Variants in BOLL observed in about 807,000 individuals in gnomAD.
The protein encoded by BOLL is protein boule-like.
Under a neutral mutation model 44.4 loss-of-function variants are expected in BOLL, and 23 were observed. The ratio of observed to expected loss-of-function variants is 0.52; its 90% CI spans 0.37 to 0.73. The LOEUF (loss-of-function observed/expected upper bound fraction) is 0.73, where lower values mean the gene tolerates loss of function less well. Ranked by LOEUF, BOLL falls within the 30% of genes least tolerant of loss-of-function variation. The pLI is 0.00. For synonymous variants in BOLL, 97 were observed against 110.8 expected, an observed-to-expected ratio of 0.88 and a Z score of 0.78; for missense variants, 287 against 338.3, an observed-to-expected ratio of 0.85 and a Z score of 1.19.
At position 197,743,094 on chromosome 2, in the gene BOLL, C is replaced by G; in HGVS notation, c.795G>C (p.Met265Ile). ...HQVYAPSAIT[M>I]PAPVMQPEPI... ...GCTCAGGCTGCATCACAGGCGCAGG[C>G]ATAGTGATGGCACTTGGAGCATAAA... Residue 265 changes from methionine (M) to isoleucine (I), a missense_variant, in exon 10 of 11, where the codon ATG becomes ATC. Physicochemically the swap from Met to Ile is conservative, Grantham distance 10. Coordinates refer to ENST00000392296, the MANE Select transcript of BOLL (RefSeq NM_033030.6). 6.2e-7 allele frequency: 1 copy of G among 1,605,618 alleles called. No individual in the cohort carries two copies. The highest frequency in any genetic ancestry group is 8.5e-7 in the Non-Finnish European group (1 of 1,176,126).
At chr2:197,748,324 G>A (rs1271794353) in intron 9 of BOLL, among the ~76,000 whole-genome samples, 4 of 152,220 alleles carry the variant, frequency 2.6e-5, no homozygotes, top group Non-Finnish European at 4.4e-5. Context: ...CAGACACCGA[G>A]CTAGCTACAG....
intron 7 of BOLL, among the ~76,000 whole-genome samples, chr2:197,762,749 A>G (rs1353510438): frequency 1.3e-5 from 2 of 152,234 alleles, no homozygotes; most frequent in African/African-American, 4.8e-5. Context: ...AGGCAAATTT[A>G]TAACAATGAA....
intron 3 of BOLL, among the ~76,000 whole-genome samples, chr2:197,777,441 T>C (rs1218085589): frequency 1.3e-5 from 2 of 151,854 alleles, no homozygotes; most frequent in African/African-American, 4.8e-5. Flanking sequence ...AATAATCTCC[T>C]TTTAAACTAA....
chr2:197,737,784 T>C, intron 10 of BOLL, among the ~76,000 whole-genome samples: 1 of 152,126 alleles, frequency 6.6e-6, no homozygotes, highest in Non-Finnish European at 1.5e-5. Flanking sequence ...AAGTAGATAG[T>C]GGTAGTAGTT....
chr2:197,765,241 C>T (rs887100642), intron 7 of BOLL, among the ~76,000 whole-genome samples: 2 of 151,736 alleles, frequency 1.3e-5, no homozygotes, highest in African/African-American at 4.8e-5. Context: ...GTATACTGCT[C>T]GGGTGATGGG....
At chr2:197,759,013 A>T (rs1299425805) in intron 7 of BOLL, 6 of 1,534,158 alleles carry the variant, frequency 3.9e-6, no homozygotes, top group Non-Finnish European at 5.2e-6. Context: ...ATTCCCTCGT[A>T]AAAAAAGAGA....
At chr2:197,738,800 G>C (rs983438697) in intron 10 of BOLL, among the ~76,000 whole-genome samples, 3 of 152,022 alleles carry the variant, frequency 2.0e-5, no homozygotes, top group Non-Finnish European at 2.9e-5. Flanking sequence ...TTTGGTACTA[G>C]AGAAAATTTG....
intron 9 of BOLL, among the ~76,000 whole-genome samples, chr2:197,748,978 C>A (rs560792394): frequency 1.3e-5 from 2 of 152,358 alleles, no homozygotes; most frequent in African/African-American, 4.8e-5. Context: ...ACACCTCATA[C>A]AGGAGAGCTC....
chr2:197,727,053 A>T lies in BOLL; in HGVS notation c.*1502T>A, dbSNP rs542603072. 1.3e-5 allele frequency: 2 copies of T among 152,598 alleles called. No homozygotes were observed. The highest frequency in any genetic ancestry group is 2.9e-5 in the Non-Finnish European group (2 of 68,044). 9.5% of individuals were successfully genotyped at this position (152,598 alleles called of 1,614,324 possible). On this transcript the variant is annotated 3_prime_UTR_variant, in exon 11 of 11. Transcript: ENST00000392296. ...GTAATTTTTTACTTACAGAACAAAA[A>T]CTTCTGAAATTTCATTGTGGGACTT... is the stretch of plus-strand genomic sequence containing the variant.
At chr2:197,733,024 C>T (rs1687282316) in intron 10 of BOLL, among the ~76,000 whole-genome samples, 1 of 138,256 alleles carries the variant, frequency 7.2e-6, no homozygotes, top group East Asian at 2.1e-4. Context: ...TCAAATTGTC[C>T]CTGTTTGCAG....
Position 197,747,373 on chromosome 2 carries a change from G to A in BOLL, c.730-4214C>T, listed in dbSNP as rs374000716. 1.9e-4 allele frequency among the ~76,000 whole-genome samples: 29 copies of A among 152,060 alleles called. 1 individual carries two copies. The highest frequency in any genetic ancestry group is 6.5e-4 in the African/African-American group (27 of 41,472). On this transcript the variant is annotated intron_variant, in intron 9 of 10. Coordinates refer to ENST00000392296, the MANE Select transcript of BOLL (RefSeq NM_033030.6). ...CCGAGGCAGGCTGATTACGAGGTCA[G>A]GAGATTGAGACCATCCTGGCTAACA...
In BOLL at chr2:197,728,373, A is replaced by C. The variant is rs750290199; in HGVS notation, c.*182T>G. On this transcript the variant is annotated 3_prime_UTR_variant, in exon 11 of 11. Transcript: ENST00000392296. The stretch of plus-strand genomic sequence containing the variant: ...CCTAAATAATTTTGTAGAACAGCTG[A>C]AAAAGCAAATTTCATCAAATTTAGA... The C allele has an allele frequency of 2.0e-6, 2 of 1,022,892 alleles. No individual in the cohort carries two copies. Among genetic ancestry groups the C allele is most frequent in the Non-Finnish European group, 2.8e-6 (2 of 709,440 alleles). The allele number at this position is 1,022,892 out of a possible 1,614,324, so 63.4% of individuals were successfully genotyped here.
intron 10 of BOLL, among the ~76,000 whole-genome samples, chr2:197,730,847 C>T (rs1016230522): frequency 8.6e-5 from 13 of 152,014 alleles, no homozygotes; most frequent in Admixed American, 3.3e-4. Context: ...CGGTACCAGC[C>T]GCTGCAAAAT....
rs192090329 is a variant in BOLL, at chr2:197,759,209, G to C, written c.553-1809C>G. Reference sequence around the variant, plus strand: ...ACACCTGTGGTGATTGCAAATCCAGGAGCGCAGCATGGAGCCACCCAGCCT... The same window carrying C: ...ACACCTGTGGTGATTGCAAATCCAGCAGCGCAGCATGGAGCCACCCAGCCT... On this transcript the variant is annotated intron_variant, in intron 7 of 10. Coordinates refer to ENST00000392296, the MANE Select transcript of BOLL (RefSeq NM_033030.6). 1.7e-3 allele frequency among the ~76,000 whole-genome samples: 253 copies of C among 152,306 alleles called. 1 individual carries two copies. Among genetic ancestry groups the C allele is most frequent in the African/African-American group, 5.7e-3 (239 of 41,566 alleles).
intron 10 of BOLL, among the ~76,000 whole-genome samples, chr2:197,729,232 C>T (rs1446080769): frequency 2.0e-5 from 3 of 152,194 alleles, no homozygotes; most frequent in Non-Finnish European, 4.4e-5. Context: ...CCTGGAAAAT[C>T]GGGTCACTAC....
intron 2 of BOLL, among the ~76,000 whole-genome samples, chr2:197,779,939 G>GTT (rs1689691530): frequency 6.6e-6 from 1 of 151,914 alleles, no homozygotes; most frequent in Non-Finnish European, 1.5e-5. Flanking sequence ...TGCCTTTTGA[G>GTT]TTCAACTGCC....
In BOLL at chr2:197,729,280, G is replaced by A. The variant is rs528858491; in HGVS notation, c.829-702C>T. On this transcript the variant is annotated intron_variant, in intron 10 of 10. Transcript: ENST00000392296. ...ACGGGCTTAAAAAACGGCGCACCAC[G>A]AGATTATATCTCGCACCTGGCTCGG... 4.6e-5 allele frequency among the ~76,000 whole-genome samples: 7 copies of A among 152,346 alleles called. No individual in the cohort carries two copies. In the East Asian group the frequency reaches 9.7e-4, roughly 21 times the overall value.
intron 10 of BOLL, among the ~76,000 whole-genome samples, chr2:197,730,740 A>C (rs1687123829): frequency 6.6e-6 from 1 of 152,072 alleles, no homozygotes; most frequent in Admixed American, 6.6e-5. Context: ...GAGAAATAAA[A>C]TCTTTTACAG....
chr2:197,741,451 T>C (rs1318467959), intron 10 of BOLL, among the ~76,000 whole-genome samples: 2 of 152,108 alleles, frequency 1.3e-5, no homozygotes, highest in African/African-American at 4.8e-5. Flanking sequence ...ATGGTACTGG[T>C]ACCAAAACAG....
Sources: allele counts gnomAD v4.1 joint callset (sites outside exome capture counted in the v4.1 genomes callset), GRCh38; gene constraint gnomAD v4.1.1; transcripts MANE v1.5; gene names NCBI Gene and HGNC (gene_info 2026-07-23, HGNC 2026-07-21).